The following ENPEP variants were observed in gnomAD, a reference collection of about 807,000 sequenced individuals.
The protein encoded by ENPEP is AP-A.
ENPEP carries 103 observed loss-of-function variants against 114.5 expected under a neutral mutation model. The ratio of observed to expected loss-of-function variants is 0.90; its 90% CI spans 0.77 to 1.06. The LOEUF (loss-of-function observed/expected upper bound fraction) is 1.06. ENPEP is among the 50% of genes least tolerant of loss of function. The probability of loss-of-function intolerance (pLI) is 0.00; values close to 1 mark genes in which losing one functional copy is unlikely to be tolerated. For synonymous variants in ENPEP, 420 were observed against 422.0 expected, an observed-to-expected ratio of 1.00 and a Z score of 0.06; for missense variants, 1,196 against 1,161.3, an observed-to-expected ratio of 1.03 and a Z score of -0.43.
At chr4:110,515,235 G>C (rs937806299) in intron 7 of ENPEP, 142 bp from the exon 8 acceptor site, 1 of 662,694 alleles carries the variant, frequency 1.5e-6, no homozygotes, top group Non-Finnish European at 2.6e-6. Flanking sequence ...TAAAATCATA[G>C]AGCCATATAA....
intron 3 of ENPEP, among the ~76,000 whole-genome samples, chr4:110,491,743 C>A (rs62336835): frequency 5.8e-5 from 8 of 138,840 alleles, no homozygotes; most frequent in Non-Finnish European, 9.2e-5. Flanking sequence ...TTTTTTGAGA[C>A]GGAGTCTGGC....
chr4:110,488,712 CAG>C (rs1434505084), intron 2 of ENPEP, 30 bp downstream of exon 2: 1 of 1,593,708 alleles, frequency 6.3e-7, no homozygotes, highest in African/African-American at 1.3e-5. Flanking sequence ...TTTGTTTATG[CAG>C]AGAGTCTGTT....
intron 11 of ENPEP, among the ~76,000 whole-genome samples, chr4:110,535,722 C>T (rs145269865): frequency 1.4e-3 from 215 of 152,312 alleles, no homozygotes; most frequent in African/African-American, 4.8e-3. Flanking sequence ...CGCGGTGGCT[C>T]ACGCCTGTAA....
At chr4:110,542,240 A>G (rs886795631) in intron 11 of ENPEP, among the ~76,000 whole-genome samples, 8 of 152,268 alleles carry the variant, frequency 5.3e-5, no homozygotes, top group African/African-American at 1.9e-4. Context: ...TCAATGTATT[A>G]TCCTGCTTAG....
chr4:110,553,615 T>C, intron 18 of ENPEP, 160 bp downstream of exon 18: 2 of 607,664 alleles, frequency 3.3e-6, no homozygotes, highest in Non-Finnish European at 5.0e-6. Flanking sequence ...GGAAGCAATG[T>C]ACTAGTTAAT....
chr4:110,502,911 T>C (rs1725214971), intron 3 of ENPEP, among the ~76,000 whole-genome samples: 1 of 152,214 alleles, frequency 6.6e-6, no homozygotes, highest in Non-Finnish European at 1.5e-5. Flanking sequence ...TTTCTTTTTT[T>C]TTAATTATTA....
At position 110,522,470 on chromosome 4, in the gene ENPEP, C is replaced by T. The variant is rs150233973; in HGVS notation, c.1727+2104C>T. 1.4e-3 allele frequency among the ~76,000 whole-genome samples: 217 copies of T among 152,182 alleles called. 1 individual carries two copies. The highest frequency in any genetic ancestry group is 4.7e-3 in the African/African-American group (196 of 41,524). On this transcript the variant is annotated intron_variant, in intron 10 of 19. Coordinates refer to ENST00000265162, the MANE Select transcript of ENPEP (RefSeq NM_001977.4). Reference sequence around the variant, plus strand: ...TCCTGGGATTACAGGTGTGAGCCACCGTGCTCAGCCAATAGGCGTTCTTTA... The same window carrying T: ...TCCTGGGATTACAGGTGTGAGCCACTGTGCTCAGCCAATAGGCGTTCTTTA...
At chr4:110,489,430 G>A (rs1267390868) in intron 2 of ENPEP, among the ~76,000 whole-genome samples, 1 of 152,068 alleles carries the variant, frequency 6.6e-6, no homozygotes, top group African/African-American at 2.4e-5. Flanking sequence ...CTAGGGGAGC[G>A]ACAGCATTTG....
In ENPEP at chr4:110,548,291, T is replaced by C. The variant is rs1309515394; in HGVS notation, c.2116T>C (p.Phe706Leu). ...AGCTGTAACCTACATCATTAGCATG[T>C]TTGAAGATGATAAAGAGCTATATCC... Reference protein sequence around the residue: ...ISAVTYIISMFEDDKELYPMI... With the variant: ...ISAVTYIISMLEDDKELYPMI... Residue 706 changes from phenylalanine (F) to leucine (L), a missense_variant, in exon 14 of 20, where the codon TTT (phenylalanine) becomes CTT (leucine). Coordinates refer to ENST00000265162, the MANE Select transcript of ENPEP (RefSeq NM_001977.4). 6.2e-7 allele frequency: 1 copy of C among 1,603,840 alleles called. No individual in the cohort carries two copies. The highest frequency in any genetic ancestry group is 1.3e-5 in the African/African-American group (1 of 74,432).
chr4:110,546,422 G>A (rs1429125322), intron 13 of ENPEP, among the ~76,000 whole-genome samples: 1 of 151,818 alleles, frequency 6.6e-6, no homozygotes, highest in Non-Finnish European at 1.5e-5. Context: ...GCCAGGAGAG[G>A]GTGGGTAATA....
chr4:110,477,164 A>G, intron 1 of ENPEP, 106 bp downstream of exon 1: 1 of 1,405,312 alleles, frequency 7.1e-7, no homozygotes, highest in African/African-American at 1.4e-5. Context: ...TTGGTCTGAT[A>G]TTGATCGGCT....
intron 18 of ENPEP, among the ~76,000 whole-genome samples, chr4:110,554,414 C>T (rs1328733177): frequency 6.6e-6 from 1 of 152,012 alleles, no homozygotes; most frequent in Non-Finnish European, 1.5e-5. Context: ...GATTCTACCT[C>T]TAGCTCCCAA....
intron 4 of ENPEP, among the ~76,000 whole-genome samples, chr4:110,509,390 A>G (rs1020481764): frequency 6.6e-6 from 1 of 152,258 alleles, no homozygotes; most frequent in Non-Finnish European, 1.5e-5. Flanking sequence ...AACAAAAGAC[A>G]TAAAATTATA....
At chr4:110,477,666 G>A (rs1724163107) in intron 1 of ENPEP, among the ~76,000 whole-genome samples, 2 of 152,088 alleles carry the variant, frequency 1.3e-5, no homozygotes, top group African/African-American at 4.8e-5. Flanking sequence ...TTACACATAG[G>A]CTTTCAGGAA....
chr4:110,476,461 C>A lies in ENPEP; in HGVS notation c.47C>A (p.Thr16Lys). The change falls in exon 1 of 20, where the codon ACG (threonine) becomes AAG (lysine). Residue 16 changes from threonine (T) to lysine (K), a missense_variant. Transcript: ENST00000265162. ...GGCTCTAAGAGATACTGCATTCAAA[C>A]GAAACATGTGGCCATTCTCTGTGCG... ...REGSKRYCIQTKHVAILCAVV... is the reference protein window; with the variant it reads ...REGSKRYCIQKKHVAILCAVV... 1 of 1,549,194 alleles carries A rather than the reference C, an allele frequency of 6.5e-7. No homozygotes were observed. Among genetic ancestry groups the A allele is most frequent in the South Asian group, 1.2e-5 (1 of 80,780 alleles).
At position 110,476,299 on chromosome 4, in the gene ENPEP, G is replaced by A. The variant is rs1443587306; in HGVS notation, c.-116G>A. The A allele has an allele frequency of 1.5e-6, 2 of 1,359,788 alleles. No homozygotes were observed. Among genetic ancestry groups the A allele is most frequent in the Non-Finnish European group, 2.0e-6 (2 of 1,007,254 alleles). 84.2% of individuals were successfully genotyped at this position (1,359,788 alleles called of 1,614,324 possible). On this transcript the variant is annotated 5_prime_UTR_variant, in exon 1 of 20. Transcript: ENST00000265162. The stretch of plus-strand genomic sequence containing the variant: ...AGCCAGAGAGAGGGGTGTGGGAAAA[G>A]CGAAAACAGGCTGCCAAATCAGGGG...
At chr4:110,513,837 T>G (rs1056677768) in intron 7 of ENPEP, among the ~76,000 whole-genome samples, 1 of 152,184 alleles carries the variant, frequency 6.6e-6, no homozygotes, top group Non-Finnish European at 1.5e-5. Context: ...GCATCACATT[T>G]CAAATTGTTT....
intron 17 of ENPEP, 59 bp downstream of exon 17, chr4:110,549,945 T>G: frequency 7.0e-7 from 1 of 1,422,530 alleles, no homozygotes; most frequent in Non-Finnish European, 9.5e-7. Context: ...TGTGTCACAG[T>G]CTCTTTAAGA....
At chr4:110,559,764 G>T in intron 19 of ENPEP, 39 bp downstream of exon 19, 1 of 1,537,944 alleles carries the variant, frequency 6.5e-7, no homozygotes, top group East Asian at 2.3e-5. Context: ...CCAAGAAGGA[G>T]CAGAATGAAA....
Sources: allele counts gnomAD v4.1 joint callset (sites outside exome capture counted in the v4.1 genomes callset), GRCh38; gene constraint gnomAD v4.1.1; transcripts MANE v1.5; gene names NCBI Gene and HGNC (gene_info 2026-07-23, HGNC 2026-07-21).